The following TYW1B variants were observed in gnomAD, a reference collection of about 807,000 sequenced individuals.
TYW1B encodes S-adenosyl-L-methionine-dependent tRNA 4-demethylwyosine synthase TYW1B.
In TYW1B, 73 loss-of-function variants were observed where a neutral mutation model predicts 86.9. The ratio of observed to expected loss-of-function variants is 0.84; its 90% CI spans 0.70 to 1.02. The LOEUF (loss-of-function observed/expected upper bound fraction) is 1.02, where lower values mean the gene tolerates loss of function less well. TYW1B is among the 50% of genes least tolerant of loss of function. The pLI is 0.00. For missense variants in TYW1B, 637 were observed against 827.4 expected (o/e 0.77, Z 2.82); for synonymous variants, 248 against 292.8 (o/e 0.85, Z 1.56).
chr7:72,734,074 T>C (rs1466024597), intron 8 of TYW1B, among the ~76,000 whole-genome samples: 5 of 151,782 alleles, frequency 3.3e-5, no homozygotes, highest in Admixed American at 2.6e-4. Flanking sequence ...CTGGCCAACA[T>C]AGTGAAACCC....
chr7:72,731,228 C>T (rs1211535284), intron 8 of TYW1B, among the ~76,000 whole-genome samples: 1 of 149,202 alleles, frequency 6.7e-6, no homozygotes, highest in Non-Finnish European at 1.5e-5. Flanking sequence ...GAGAATTCAT[C>T]ATACTAGACT....
intron 13 of TYW1B, among the ~76,000 whole-genome samples, chr7:72,613,501 G>A (rs3015933): frequency 0.16 from 22,643 of 140,004 alleles, 2,312 homozygotes; most frequent in East Asian, 0.57. Context: ...TCCACCTCCC[G>A]GGTTCAAGAG....
intron 13 of TYW1B, among the ~76,000 whole-genome samples, chr7:72,583,779 T>A (rs1372235475): frequency 6.6e-6 from 1 of 152,206 alleles, no homozygotes; most frequent in Non-Finnish European, 1.5e-5. Flanking sequence ...TGTTTGGTTC[T>A]CTATCTTGTG....
At chr7:72,743,224 C>T (rs1787335093) in intron 8 of TYW1B, among the ~76,000 whole-genome samples, 1 of 152,128 alleles carries the variant, frequency 6.6e-6, no homozygotes, top group African/African-American at 2.4e-5. Flanking sequence ...TTTACTTCTC[C>T]TACCATCATA....
At chr7:72,827,400 T>G (rs1788953220) in intron 1 of TYW1B, among the ~76,000 whole-genome samples, 1 of 151,818 alleles carries the variant, frequency 6.6e-6, no homozygotes, top group African/African-American at 2.4e-5. Flanking sequence ...AGAGCAAGGC[T>G]CCATCTCGTG....
intron 10 of TYW1B, among the ~76,000 whole-genome samples, chr7:72,697,618 C>T (rs1814353743): frequency 6.6e-6 from 1 of 151,796 alleles, no homozygotes; most frequent in Non-Finnish European, 1.5e-5. Context: ...CAAATGTTCC[C>T]AAAAAGCAAA....
At chr7:72,609,112 T>C (rs1554435434) in intron 13 of TYW1B, among the ~76,000 whole-genome samples, 3 of 152,214 alleles carry the variant, frequency 2.0e-5, no homozygotes, top group Non-Finnish European at 2.9e-5. Context: ...CTGTACCATT[T>C]TGCAGCTTCC....
chr7:72,756,771 T>C (rs1218935333), intron 7 of TYW1B, among the ~76,000 whole-genome samples: 2 of 152,074 alleles, frequency 1.3e-5, no homozygotes, highest in African/African-American at 4.8e-5. Context: ...CCAGAATATA[T>C]AAAGAACTTT....
chr7:72,666,818 T>C (rs1413613674), intron 11 of TYW1B, among the ~76,000 whole-genome samples: 3 of 151,486 alleles, frequency 2.0e-5, no homozygotes, highest in Non-Finnish European at 4.4e-5. Context: ...GATCACGAGG[T>C]CAGGAGATCA....
chr7:72,781,429 CA>C (rs1554471608), intron 6 of TYW1B, among the ~76,000 whole-genome samples: 1 of 152,164 alleles, frequency 6.6e-6, no homozygotes, highest in Non-Finnish European at 1.5e-5. Context: ...TATATTGCCT[CA>C]TGGTAATCCC....
intron 11 of TYW1B, among the ~76,000 whole-genome samples, chr7:72,633,741 T>TA (rs1812600710): frequency 6.6e-6 from 1 of 152,104 alleles, no homozygotes; most frequent in African/African-American, 2.4e-5. Flanking sequence ...GCTCCATGTT[T>TA]AGGTTTGTTC....
intron 8 of TYW1B, among the ~76,000 whole-genome samples, chr7:72,730,618 G>T (rs13242057): frequency 6.7e-6 from 1 of 149,304 alleles, no homozygotes; most frequent in Non-Finnish European, 1.5e-5. Context: ...GAGAAGAAGA[G>T]GAGAAAAAGA....
chr7:72,682,923 T>G (rs1442703812), intron 11 of TYW1B, among the ~76,000 whole-genome samples: 1 of 152,192 alleles, frequency 6.6e-6, no homozygotes, highest in Non-Finnish European at 1.5e-5. Flanking sequence ...TTTGTGAGTT[T>G]TACCTACTGG....
chr7:72,702,986 CTA>C (rs371144509), intron 10 of TYW1B, among the ~76,000 whole-genome samples: 514 of 36,202 alleles, frequency 0.014, no homozygotes, highest in Non-Finnish European at 0.02. Flanking sequence ...ATCTATCTAT[CTA>C]TATATATATA....
At chr7:72,693,462 G>A (rs536427067) in intron 11 of TYW1B, among the ~76,000 whole-genome samples, 11 of 145,554 alleles carry the variant, frequency 7.6e-5, no homozygotes, top group African/African-American at 2.8e-4. Context: ...ACACTGGAGT[G>A]CAGTGGCGCA....
intron 11 of TYW1B, among the ~76,000 whole-genome samples, chr7:72,635,005 T>C (rs189374362): frequency 1.3e-5 from 2 of 152,218 alleles, no homozygotes; most frequent in Non-Finnish European, 2.9e-5. Context: ...TCTTTCCTTA[T>C]TAGCGTTTCT....
chr7:72,632,357 A>T (rs1345473138), intron 11 of TYW1B, among the ~76,000 whole-genome samples: 1 of 120,404 alleles, frequency 8.3e-6, no homozygotes, highest in Non-Finnish European at 1.6e-5. Flanking sequence ...TATATATATT[A>T]TATATATACG....
intron 6 of TYW1B, among the ~76,000 whole-genome samples, chr7:72,799,132 G>A (rs1410150442): frequency 6.8e-6 from 1 of 146,034 alleles, no homozygotes; most frequent in Non-Finnish European, 1.5e-5. Context: ...CATGAGCCAC[G>A]GCAACTGACC....
chr7:72,610,461 T>C (rs1446915247), intron 13 of TYW1B, among the ~76,000 whole-genome samples: 1 of 150,918 alleles, frequency 6.6e-6, no homozygotes, highest in African/African-American at 2.4e-5. Context: ...GGCCAGGGAG[T>C]CATGCCTGAA....
Sources: gnomAD v4.1 joint callset for allele counts (sites outside exome capture counted in the v4.1 genomes callset) on GRCh38, gnomAD v4.1.1 for gene constraint, MANE v1.5 for transcripts, NCBI Gene and HGNC (gene_info 2026-07-23, HGNC 2026-07-21) for gene names.